UNC13B: variants seen among roughly 807,000 people sequenced by gnomAD.
The protein encoded by UNC13B is protein unc-13 homolog B.
In UNC13B, 144 loss-of-function variants were observed where a neutral mutation model predicts 211.0. That is an observed-to-expected ratio of 0.68 (90% CI 0.60 to 0.78). The LOEUF (loss-of-function observed/expected upper bound fraction) is 0.78. Among genes scored for constraint, UNC13B ranks in the 30% least tolerant of loss-of-function variants. UNC13B has a pLI of 0.00. For synonymous variants in UNC13B, 709 were observed against 725.8 expected, an observed-to-expected ratio of 0.98 and a Z score of 0.37; for missense variants, 1,777 against 2,002.0, an observed-to-expected ratio of 0.89 and a Z score of 2.14.
intron 7 of UNC13B, among the ~76,000 whole-genome samples, chr9:35,283,984 G>T (rs952859538): frequency 1.3e-5 from 2 of 152,174 alleles, no homozygotes; most frequent in Non-Finnish European, 2.9e-5. Flanking sequence ...TACAGGCCGG[G>T]CGTGGTGTTT....
chr9:35,362,765 A>C (rs1833507407), intron 11 of UNC13B, among the ~76,000 whole-genome samples: 1 of 147,372 alleles, frequency 6.8e-6, no homozygotes, highest in Admixed American at 7.0e-5. Context: ...GCACCACTGC[A>C]CTCTAGCCTG....
At chr9:35,329,660 T>A (rs1232790617) in intron 11 of UNC13B, among the ~76,000 whole-genome samples, 1 of 152,062 alleles carries the variant, frequency 6.6e-6, no homozygotes, top group Non-Finnish European at 1.5e-5. Flanking sequence ...GCTAATTTTT[T>A]ATATTTTTTG....
chr9:35,255,027 A>ATATTATATATTAATATATGTAT (rs1826773784), intron 6 of UNC13B, among the ~76,000 whole-genome samples: 1 of 113,362 alleles, frequency 8.8e-6, no homozygotes, highest in African/African-American at 3.9e-5. Flanking sequence ...ATGTATATAT[A>ATATTATATATTAATATATGTAT]ATATAATATA....
rs535149242 is a variant in UNC13B at position 35,170,205 on chromosome 9, GC to G, written c.22+7903del. On this transcript the variant is annotated intron_variant, in intron 1 of 39. Coordinates refer to ENST00000635942, the MANE Select transcript of UNC13B (RefSeq NM_001371189.2). ...TTTTGAGATGGAGTCTCGTTCTGTTGCCCAGGTTGGAGTGCAGTGGTGCAAT... is the reference window on the plus strand; with the variant it reads ...TTTTGAGATGGAGTCTCGTTCTGTTGCCAGGTTGGAGTGCAGTGGTGCAAT... 1.8e-3 allele frequency among the ~76,000 whole-genome samples: 273 copies of G among 151,294 alleles called. 1 individual carries two copies. Among genetic ancestry groups the G allele is most frequent in the African/African-American group, 6.2e-3 (257 of 41,198 alleles).
intron 4 of UNC13B, among the ~76,000 whole-genome samples, chr9:35,237,436 A>G (rs983605974): frequency 7.9e-5 from 12 of 152,198 alleles, no homozygotes; most frequent in Non-Finnish European, 1.6e-4. Flanking sequence ...CCACAGAGGT[A>G]CTTAGTTTTA....
chr9:35,270,813 G>T (rs1305583050), intron 7 of UNC13B, among the ~76,000 whole-genome samples: 1 of 152,078 alleles, frequency 6.6e-6, no homozygotes, highest in Non-Finnish European at 1.5e-5. Context: ...CTTTTTGCAT[G>T]TGGATTTCCA....
intron 1 of UNC13B, among the ~76,000 whole-genome samples, chr9:35,185,944 A>C (rs199562401): frequency 2.0e-5 from 3 of 151,600 alleles, no homozygotes; most frequent in Non-Finnish European, 2.9e-5. Context: ...AAAAAAAAAA[A>C]CAACACAGTA....
chr9:35,239,499 C>T (rs566091606), intron 5 of UNC13B, among the ~76,000 whole-genome samples: 9 of 152,030 alleles, frequency 5.9e-5, no homozygotes, highest in Admixed American at 1.3e-4. Context: ...AGGACTGGGG[C>T]GAAATTAAAA....
chr9:35,240,218 C>T (rs1041312251), intron 5 of UNC13B, among the ~76,000 whole-genome samples: 8 of 152,228 alleles, frequency 5.3e-5, no homozygotes, highest in African/African-American at 1.2e-4. Context: ...GCCTGTCCCT[C>T]TGTTCAGGGT....
chr9:35,375,190 G>A lies in UNC13B; in HGVS notation c.9604G>A (p.Asp3202Asn). The change falls in exon 14 of 40, where the codon GAC becomes AAC. Residue 3202 changes from aspartate (D) to asparagine (N), a missense_variant. Coordinates refer to ENST00000635942, the MANE Select transcript of UNC13B (RefSeq NM_001371189.2). Reference sequence around the variant, plus strand: ...AATGGCTACACGCACTTCTCTTAAGGACGAAGAGCTGGTAAGTGTCCCAAG... The same window carrying A: ...AATGGCTACACGCACTTCTCTTAAGAACGAAGAGCTGGTAAGTGTCCCAAG... ...SAMATRTSLKDEELKSHVYKK... is the reference protein window; with the variant it reads ...SAMATRTSLKNEELKSHVYKK... The A allele has an allele frequency of 6.2e-7, 1 of 1,614,132 alleles. No homozygotes were observed. The highest frequency in any genetic ancestry group is 8.5e-7 in the Non-Finnish European group (1 of 1,179,968).
intron 11 of UNC13B, among the ~76,000 whole-genome samples, chr9:35,355,157 G>A (rs1435256552): frequency 6.6e-6 from 1 of 152,170 alleles, no homozygotes; most frequent in Non-Finnish European, 1.5e-5. Flanking sequence ...AGAGCAGTAT[G>A]TATAAGATGC....
At chr9:35,343,357 T>G (rs572898550) in intron 11 of UNC13B, among the ~76,000 whole-genome samples, 1 of 152,328 alleles carries the variant, frequency 6.6e-6, no homozygotes, top group South Asian at 2.1e-4. Flanking sequence ...TTGGTCCAGT[T>G]TTATTGAAAT....
At chr9:35,227,651 GA>G (rs983104477) in intron 1 of UNC13B, 28 of 180,326 alleles carry the variant, frequency 1.6e-4, no homozygotes, top group Admixed American at 4.9e-4. Context: ...CTTTTGGTGT[GA>G]ACAGAATAGA....
chr9:35,309,705 G>A (rs544882424), intron 9 of UNC13B, among the ~76,000 whole-genome samples: 7 of 152,236 alleles, frequency 4.6e-5, no homozygotes, highest in East Asian at 3.9e-4. Context: ...GCATGAATAC[G>A]GCTCTGACCC....
intron 7 of UNC13B, among the ~76,000 whole-genome samples, chr9:35,263,851 G>A: frequency 6.6e-6 from 1 of 152,162 alleles, no homozygotes. Flanking sequence ...GTAGCCATCT[G>A]TAAGCCAGGA....
intron 1 of UNC13B, among the ~76,000 whole-genome samples, chr9:35,203,009 G>A (rs909853860): frequency 2.0e-5 from 3 of 152,010 alleles, no homozygotes; most frequent in Non-Finnish European, 2.9e-5. Flanking sequence ...AGCCAGGATG[G>A]TCTCGATCTC....
intron 11 of UNC13B, among the ~76,000 whole-genome samples, chr9:35,350,558 CTA>C (rs1832654216): frequency 1.3e-5 from 2 of 152,156 alleles, no homozygotes; most frequent in African/African-American, 4.8e-5. Context: ...CAAGCTAAGC[CTA>C]AACCTCCTTC....
intron 11 of UNC13B, among the ~76,000 whole-genome samples, chr9:35,321,082 G>A (rs1830713385): frequency 6.6e-6 from 1 of 150,560 alleles, no homozygotes. Context: ...TAATATGTGT[G>A]GATTTAAACA....
intron 6 of UNC13B, among the ~76,000 whole-genome samples, chr9:35,257,332 T>A (rs1235082491): frequency 1.5e-5 from 1 of 67,828 alleles, no homozygotes; most frequent in Non-Finnish European, 2.7e-5. Flanking sequence ...TAAAAATATT[T>A]ATATAAATAT....
Sources: gnomAD v4.1 joint callset for allele counts (sites outside exome capture counted in the v4.1 genomes callset) on GRCh38, gnomAD v4.1.1 for gene constraint, MANE v1.5 for transcripts, NCBI Gene and HGNC (gene_info 2026-07-23, HGNC 2026-07-21) for gene names.